KHDRBS2: variants seen among roughly 807,000 people sequenced by gnomAD.
KHDRBS2 encodes KH RNA binding domain containing, signal transduction associated 2.
KHDRBS2 carries 26 observed loss-of-function variants against 44.3 expected under a neutral mutation model. The observed-to-expected ratio is 0.59, with a 90% CI of 0.43 to 0.81. KHDRBS2 has a LOEUF of 0.81. KHDRBS2 is among the 40% of genes least tolerant of loss of function. The pLI, the probability that KHDRBS2 is intolerant of heterozygous loss-of-function variation, is 0.00. For synonymous variants in KHDRBS2, 194 were observed against 151.1 expected, an observed-to-expected ratio of 1.28 and a Z score of -2.08; for missense variants, 476 against 433.1, an observed-to-expected ratio of 1.10 and a Z score of -0.88.
At chr6:62,147,030 T>C (rs1168107926) in intron 2 of KHDRBS2, among the ~76,000 whole-genome samples, 2 of 151,922 alleles carry the variant, frequency 1.3e-5, no homozygotes, top group Non-Finnish European at 2.9e-5. Flanking sequence ...TTCCTTAGTA[T>C]TAAAAATGCT....
the KHDRBS2 span, among the ~76,000 whole-genome samples, chr6:61,595,123 ATT>A: frequency 6.6e-6 from 1 of 152,166 alleles, no homozygotes; most frequent in South Asian, 2.1e-4. Context: ...ACTATATAAA[ATT>A]CTTATTAAAA....
At chr6:61,759,991 T>G (rs1582654429) in intron 6 of KHDRBS2, among the ~76,000 whole-genome samples, 1 of 152,240 alleles carries the variant, frequency 6.6e-6, no homozygotes, top group Non-Finnish European at 1.5e-5. Context: ...AAATTCAGCT[T>G]TCTTGTATTT....
chr6:61,957,680 C>T (rs75486748), intron 4 of KHDRBS2, among the ~76,000 whole-genome samples: 1 of 152,128 alleles, frequency 6.6e-6, no homozygotes, highest in Non-Finnish European at 1.5e-5. Flanking sequence ...ACAATGTGTG[C>T]CTGAAACTTC....
the KHDRBS2 span, among the ~76,000 whole-genome samples, chr6:61,585,243 T>C: frequency 6.6e-6 from 1 of 151,730 alleles, no homozygotes; most frequent in Non-Finnish European, 1.5e-5. Flanking sequence ...AGAGAAACCA[T>C]CAGACAGAGC....
intron 3 of KHDRBS2, among the ~76,000 whole-genome samples, chr6:62,007,183 A>G (rs1779398407): frequency 6.6e-6 from 1 of 152,082 alleles, no homozygotes; most frequent in South Asian, 2.1e-4. Flanking sequence ...GTACTTTTTC[A>G]AAAATTAAGC....
chr6:61,968,071 G>A (rs1300344020), intron 4 of KHDRBS2, among the ~76,000 whole-genome samples: 1 of 151,374 alleles, frequency 6.6e-6, no homozygotes, highest in Non-Finnish European at 1.5e-5. Flanking sequence ...TCAGAGAAGA[G>A]GATCTTTAAG....
chr6:61,554,405 A>C, the KHDRBS2 span, among the ~76,000 whole-genome samples: 2 of 151,976 alleles, frequency 1.3e-5, no homozygotes, highest in Non-Finnish European at 2.9e-5. Context: ...GTGTCACCAC[A>C]TGTGAGATGG....
intron 6 of KHDRBS2, among the ~76,000 whole-genome samples, chr6:61,888,710 C>T (rs1170557856): frequency 1.3e-5 from 2 of 151,760 alleles, no homozygotes; most frequent in Non-Finnish European, 2.9e-5. Context: ...TACAGGCGCC[C>T]GCCACCATGC....
chr6:61,770,888 G>T (rs1462349423), intron 6 of KHDRBS2, among the ~76,000 whole-genome samples: 1 of 152,014 alleles, frequency 6.6e-6, no homozygotes, highest in Non-Finnish European at 1.5e-5. Context: ...TAATTGTCAG[G>T]TTCACGAAAG....
intron 2 of KHDRBS2, among the ~76,000 whole-genome samples, chr6:62,119,121 G>T (rs1806996175): frequency 6.6e-6 from 1 of 152,080 alleles, no homozygotes; most frequent in Non-Finnish European, 1.5e-5. Flanking sequence ...CTGGAGTTGG[G>T]TGCTAAATAT....
At chr6:62,121,658 T>TC (rs1413928318) in intron 2 of KHDRBS2, among the ~76,000 whole-genome samples, 5 of 152,204 alleles carry the variant, frequency 3.3e-5, no homozygotes, top group Non-Finnish European at 7.3e-5. Context: ...GGGTATATCA[T>TC]CTCCCCGGCT....
the KHDRBS2 span, among the ~76,000 whole-genome samples, chr6:61,604,691 C>T: frequency 6.6e-6 from 1 of 152,188 alleles, no homozygotes; most frequent in Non-Finnish European, 1.5e-5. Context: ...TTTCCCTACA[C>T]ATCAAGCTTG....
At chr6:61,945,264 T>A (rs2127379556) in intron 4 of KHDRBS2, among the ~76,000 whole-genome samples, 1 of 150,172 alleles carries the variant, frequency 6.7e-6, no homozygotes, top group Middle Eastern at 3.5e-3. Flanking sequence ...ATTTTTAAGA[T>A]GAGTAAGTTT....
the KHDRBS2 span, among the ~76,000 whole-genome samples, chr6:61,593,155 A>G: frequency 6.6e-6 from 1 of 152,234 alleles, no homozygotes; most frequent in South Asian, 2.1e-4. Context: ...ATTTCAGTCA[A>G]GTGTTCTAGT....
intron 2 of KHDRBS2, among the ~76,000 whole-genome samples, chr6:62,161,367 T>C (rs1420394514): frequency 6.6e-6 from 1 of 151,088 alleles, no homozygotes; most frequent in African/African-American, 2.4e-5. Context: ...AAATAAAATA[T>C]AATAATATAA....
At chr6:62,190,516 G>A (rs561837408) in intron 1 of KHDRBS2, among the ~76,000 whole-genome samples, 4 of 152,072 alleles carry the variant, frequency 2.6e-5, no homozygotes, top group Admixed American at 6.6e-5. Flanking sequence ...TGTTGAGGTC[G>A]TCTGCGCTAA....
Position 62,117,299 on chromosome 6 carries a change from C to T in KHDRBS2, c.219+59886G>A, listed in dbSNP as rs139783473. ...GTCTTTTTGATAGTGGCTATCTTAA[C>T]GGGGGTGAGATGATATTTCATTGTG... On this transcript the variant is annotated intron_variant, in intron 2 of 8. Coordinates refer to ENST00000281156, the MANE Select transcript of KHDRBS2 (RefSeq NM_152688.4). 2.5e-3 allele frequency among the ~76,000 whole-genome samples: 381 copies of T among 152,090 alleles called. 3 individuals are homozygous for T. Among genetic ancestry groups the T allele is most frequent in the African/African-American group, 8.3e-3 (343 of 41,516 alleles).
intron 6 of KHDRBS2, among the ~76,000 whole-genome samples, chr6:61,746,026 A>C (rs1268290540): frequency 6.6e-6 from 1 of 151,516 alleles, no homozygotes; most frequent in Non-Finnish European, 1.5e-5. Context: ...TTTTTTTCCC[A>C]AAAAGATTTT....
chr6:62,025,934 C>T (rs1783228765), intron 3 of KHDRBS2, among the ~76,000 whole-genome samples: 1 of 151,940 alleles, frequency 6.6e-6, no homozygotes, highest in South Asian at 2.1e-4. Flanking sequence ...AAGTATTTCT[C>T]ATAAGTGACA....
Sources: allele counts gnomAD v4.1 joint callset (sites outside exome capture counted in the v4.1 genomes callset), GRCh38; gene constraint gnomAD v4.1.1; transcripts MANE v1.5; gene names NCBI Gene and HGNC (gene_info 2026-07-23, HGNC 2026-07-21).